The following ATF6B variants were observed in gnomAD, a reference collection of about 807,000 sequenced individuals.
ATF6B encodes cyclic AMP-dependent transcription factor ATF-6 beta.
Under a neutral mutation model 83.5 loss-of-function variants are expected in ATF6B, and 50 were observed. The observed-to-expected ratio is 0.60, with a 90% confidence interval of 0.48 to 0.76. The LOEUF (loss-of-function observed/expected upper bound fraction) is 0.76, where lower values mean the gene tolerates loss of function less well. ATF6B is among the 30% of genes least tolerant of loss of function. ATF6B has a pLI of 0.00. For missense variants in ATF6B, 790 were observed against 893.8 expected (o/e 0.88, Z 1.48); for synonymous variants, 344 against 362.8 (o/e 0.95, Z 0.59).
Position 32,118,758 on chromosome 6 carries a change from A to T in ATF6B, c.1244+17T>A. The T allele has an allele frequency of 6.2e-7, 1 of 1,612,900 alleles. No homozygotes were observed. The highest frequency in any genetic ancestry group is 1.6e-4 in the Middle Eastern group (1 of 6,062). The stretch of plus-strand genomic sequence containing the variant: ...GGCTCCACCTGGAAGGTTCTAGTGA[A>T]GCAAGGAAGGTCTCACCTGACAGGT... On this transcript the variant is annotated intron_variant, in intron 11 of 17. Coordinates refer to ENST00000375203, the MANE Select transcript of ATF6B (RefSeq NM_004381.5). The surrounding 1 kb of genome is among the most constrained non-coding windows in gnomAD (Gnocchi z 5.2).
chr6:32,115,764 T>G lies in ATF6B; in HGVS notation c.2087A>C (p.Gln696Pro), dbSNP rs773375518. 6 of 1,608,052 alleles carry G rather than the reference T, an allele frequency of 3.7e-6. No individual in the cohort carries two copies. The South Asian group carries it at 5.6e-5, about 15-fold the overall frequency. ...AASQAHQASH[Q>P]PLYLNHP ...TCAGGGATGATTGAGGTAGAGGGGC[T>G]GGTGGGAGGCCTGGTGGGCCTGGCT... The change falls in exon 18 of 18, where the codon CAG becomes CCG. Residue 696 changes from glutamine to proline, a missense_variant. Around this residue, in one of 3 missense-constraint regions of ATF6B, gnomAD observed 530 missense variants for 632.6 expected, o/e 0.84. Transcript: ENST00000375203.
At chr6:32,128,023 G>A (rs1582541508) in intron 1 of ATF6B, 94 bp downstream of exon 1, 4 of 1,460,268 alleles carry the variant, frequency 2.7e-6, no homozygotes, top group Non-Finnish European at 3.8e-6. Flanking sequence ...GGCGGATTCC[G>A]TATTTGCCCA....
chr6:32,124,199 A>G (rs986839194), intron 5 of ATF6B, among the ~76,000 whole-genome samples: 2 of 151,864 alleles, frequency 1.3e-5, no homozygotes, highest in Admixed American at 6.6e-5. Context: ...GTGAAGCTCC[A>G]TAACAACAAC....
At chr6:32,128,033 A>G in intron 1 of ATF6B, 84 bp downstream of exon 1, 7 of 1,529,338 alleles carry the variant, frequency 4.6e-6, no homozygotes, top group Non-Finnish European at 5.4e-6. Flanking sequence ...GTATTTGCCC[A>G]GACTTCCTCT....
At chr6:32,123,808 G>C (rs1781860528) in intron 5 of ATF6B, among the ~76,000 whole-genome samples, 1 of 152,140 alleles carries the variant, frequency 6.6e-6, no homozygotes, top group Non-Finnish European at 1.5e-5. Flanking sequence ...TGCTCCCTGA[G>C]ATCCAGGGAG....
In ATF6B at chr6:32,116,454, C is replaced by T. The variant is rs1781532341; in HGVS notation, c.1882+26G>A. ...GCTGGATCTCCCTGTTGGAACTGCC[C>T]CCATACCCAGCAGGGAAAGAGTTAC... On this transcript the variant is annotated intron_variant, in intron 17 of 17. Coordinates refer to ENST00000375203, the MANE Select transcript of ATF6B (RefSeq NM_004381.5). The surrounding 1 kb of genome is among the most constrained non-coding windows in gnomAD (Gnocchi z 5.1). 2.5e-6 allele frequency: 4 copies of T among 1,602,372 alleles called. No individual in the cohort carries two copies. Among genetic ancestry groups the T allele is most frequent in the African/African-American group, 1.3e-5 (1 of 74,652 alleles).
At chr6:32,121,992 G>A (rs1340629912) in intron 5 of ATF6B, among the ~76,000 whole-genome samples, 1 of 152,196 alleles carries the variant, frequency 6.6e-6, no homozygotes, top group African/African-American at 2.4e-5. Context: ...GGCCTGAGCA[G>A]GGGAAGTGGC....
chr6:32,115,433 T>A lies in ATF6B; in HGVS notation c.*306A>T. 1 of 161,352 alleles carries A rather than the reference T, an allele frequency of 6.2e-6. No homozygotes were observed. The allele number at this position is 161,352 out of a possible 1,614,324, so 10.0% of individuals were successfully genotyped here. On this transcript the variant is annotated 3_prime_UTR_variant, in exon 18 of 18. Coordinates refer to ENST00000375203, the MANE Select transcript of ATF6B (RefSeq NM_004381.5). ...GACTAAATTCCCACCTCCACTGCCA[T>A]AACACTAGAGAAACAAAATAAAAAA...
Position 32,118,097 on chromosome 6 carries a change from T to C in ATF6B, c.1245-59A>G, listed in dbSNP as rs1400616130. On this transcript the variant is annotated intron_variant, in intron 11 of 17. Coordinates refer to ENST00000375203, the MANE Select transcript of ATF6B (RefSeq NM_004381.5). This position sits in a 1 kb window ranked among gnomAD's most constrained non-coding sequence, Gnocchi z 5.2. The stretch of plus-strand genomic sequence containing the variant: ...ATTTCAGCTGTATCAAGTATCTAGG[T>C]AAGAATAAAGACTCTGCAGATGGAC... 6.2e-6 allele frequency: 10 copies of C among 1,602,386 alleles called. No homozygotes were observed. Among genetic ancestry groups the C allele is most frequent in the Middle Eastern group, 1.7e-4 (1 of 5,818 alleles).
At position 32,115,865 on chromosome 6, in the gene ATF6B, C is replaced by A; in HGVS notation, c.1986G>T (p.Val662=). 2 of 1,614,138 alleles carry A rather than the reference C, an allele frequency of 1.2e-6. No individual in the cohort carries two copies. The highest frequency in any genetic ancestry group is 1.7e-6 in the Non-Finnish European group (2 of 1,180,020). The change falls in exon 18 of 18, where the codon GTG becomes GTT. Residue 662 remains valine, a synonymous_variant. Coordinates refer to ENST00000375203, the MANE Select transcript of ATF6B (RefSeq NM_004381.5). ...ATGGCTGTTTTCGGAGCGAGGGGGG[C>A]ACTGTGGAGGTCTTGATGTGAATCA... The part of the protein sequence containing the change: ...TRVIHIKTST[V]PPSLRKQPSP...
Position 32,126,252 on chromosome 6 carries a change from C to T in ATF6B, c.343G>A (p.Ala115Thr). ...TGGAGCACCTCCCCTACCCCAAGAG[C>T]CTGGGTGAGAGTTGGTGTGGGGCAG... ...SRLSTEPSSE[A>T]LGVGEVLHVK... Residue 115 changes from alanine (A) to threonine (T), a missense_variant and splice_region_variant, in exon 5 of 18, where the codon GCT (alanine) becomes ACT (threonine). By Grantham distance (58) the Ala-to-Thr change is moderately conservative. Coordinates refer to ENST00000375203, the MANE Select transcript of ATF6B (RefSeq NM_004381.5). 6.2e-7 allele frequency: 1 copy of T among 1,613,714 alleles called. No homozygotes were observed. Among genetic ancestry groups the T allele is most frequent in the Non-Finnish European group, 8.5e-7 (1 of 1,179,898 alleles).
rs1207441682 is a variant in ATF6B at position 32,118,961 on chromosome 6, C to G, written c.1147G>C (p.Ala383Pro). ...ALRRRLEALL[A>P]ENSELKLGSG... is the part of the protein sequence containing the mutation. ...CAGGGACAGACTGGTCTTACTTCAG[C>G]CAGCAGGGCCTCCAGCCGCCGCCGG... Residue 383 changes from alanine to proline, a missense_variant, in exon 10 of 18, where the codon GCT (alanine) becomes CCT (proline). Ala to Pro is a conservative substitution (Grantham distance 27). Around this residue, in one of 3 missense-constraint regions of ATF6B, gnomAD observed 530 missense variants for 632.6 expected, o/e 0.84. Coordinates refer to ENST00000375203, the MANE Select transcript of ATF6B (RefSeq NM_004381.5). This position sits in a 1 kb window ranked among gnomAD's most constrained non-coding sequence, Gnocchi z 5.2. 6.2e-7 allele frequency: 1 copy of G among 1,613,804 alleles called. No individual in the cohort carries two copies. The highest frequency in any genetic ancestry group is 1.3e-5 in the African/African-American group (1 of 74,936).
In ATF6B at chr6:32,119,913, C is replaced by A. The variant is rs768437279; in HGVS notation, c.877G>T (p.Glu293Ter). The A allele has an allele frequency of 6.2e-7, 1 of 1,614,152 alleles. No homozygotes were observed. The highest frequency in any genetic ancestry group is 8.5e-7 in the Non-Finnish European group (1 of 1,180,028). Residue 293 changes from glutamate to a stop codon, truncating the protein, a stop_gained, in exon 9 of 18, where the codon GAA (glutamate) becomes TAA (stop). Transcript: ENST00000375203. LOFTEE classifies it high-confidence loss of function. The surrounding 1 kb of genome is among the most constrained non-coding windows in gnomAD (Gnocchi z 4.9). The part of the protein sequence containing the change: ...LIQGAIRVQP[E>*]GPAPSLPRPE... ...CGTGGTAGAGAGGGAGCCGGCCCTTCAGGCTGGACTCGAATAGCACCCTGG... is the reference window on the plus strand; with the variant it reads ...CGTGGTAGAGAGGGAGCCGGCCCTTAAGGCTGGACTCGAATAGCACCCTGG...
intron 5 of ATF6B, among the ~76,000 whole-genome samples, chr6:32,122,845 C>CAA (rs746213748): frequency 2.3e-4 from 12 of 52,638 alleles, no homozygotes; most frequent in Middle Eastern, 9.8e-3. Flanking sequence ...GACTCTGTCT[C>CAA]AAAAAAAAAA....
chr6:32,125,552 G>T lies in ATF6B; in HGVS notation c.478+565C>A, dbSNP rs139738710. Among the ~76,000 whole-genome samples the T allele has an allele frequency of 0.014, 2,189 of 152,252 alleles. 41 individuals are homozygous for T. Among genetic ancestry groups the T allele is most frequent in the Admixed American group, 0.036 (557 of 15,280 alleles). ...GGAGGTAGGCGACTCATGAGGTCAG[G>T]AGTTCAAGACCAGCCTGGCCAACAT... On this transcript the variant is annotated intron_variant, in intron 5 of 17. Transcript: ENST00000375203. This position sits in a 1 kb window ranked among gnomAD's most constrained non-coding sequence, Gnocchi z 4.1.
rs1413481099 is a variant in ATF6B, at chr6:32,118,116, G to A, written c.1245-78C>T. On this transcript the variant is annotated intron_variant, in intron 11 of 17. Coordinates refer to ENST00000375203, the MANE Select transcript of ATF6B (RefSeq NM_004381.5). This position sits in a 1 kb window ranked among gnomAD's most constrained non-coding sequence, Gnocchi z 5.2. ...TCTAGGTAAGAATAAAGACTCTGCAGATGGACTGCTTGAGTTGCAATCTGT... is the reference window on the plus strand; with the variant it reads ...TCTAGGTAAGAATAAAGACTCTGCAAATGGACTGCTTGAGTTGCAATCTGT... 1 of 1,556,688 alleles carries A rather than the reference G, an allele frequency of 6.4e-7. No homozygotes were observed. Among genetic ancestry groups the A allele is most frequent in the African/African-American group, 1.4e-5 (1 of 73,808 alleles).
chr6:32,125,779 T>C lies in ATF6B; in HGVS notation c.478+338A>G, dbSNP rs1781948161. 6.6e-6 allele frequency among the ~76,000 whole-genome samples: 1 copy of C among 152,094 alleles called. No homozygotes were observed. Among genetic ancestry groups the C allele is most frequent in the South Asian group, 2.1e-4 (1 of 4,826 alleles). On this transcript the variant is annotated intron_variant, in intron 5 of 17. Coordinates refer to ENST00000375203, the MANE Select transcript of ATF6B (RefSeq NM_004381.5). The surrounding 1 kb of genome is among the most constrained non-coding windows in gnomAD (Gnocchi z 4.1). ...CTGTCTCAACAACAACAAAAATGTT[T>C]ATAATAAAATGTTGGGTGGAGGGGA...
chr6:32,120,334 G>C (rs1023778989), intron 8 of ATF6B: 2 of 159,934 alleles, frequency 1.3e-5, no homozygotes, highest in African/African-American at 4.8e-5. Flanking sequence ...TCCTGACCTT[G>C]TGATCCGCCT....
Position 32,118,799 on chromosome 6 carries a change from A to C in ATF6B, c.1220T>G (p.Ile407Ser). ...VVCIMVFLLF[I>S]AFNFGPVSIS... ...CCTGACAGGTCCAAAGTTGAAGGCAATGAAGAGAAGGAAGACCATGATGCA... is the reference window on the plus strand; with the variant it reads ...CCTGACAGGTCCAAAGTTGAAGGCACTGAAGAGAAGGAAGACCATGATGCA... Residue 407 changes from isoleucine (I) to serine (S), a missense_variant, in exon 11 of 18, where the codon ATT becomes AGT. Ile to Ser is a moderately radical substitution (Grantham distance 142, BLOSUM62 -2). Around this residue, in one of 3 missense-constraint regions of ATF6B, gnomAD observed 530 missense variants for 632.6 expected, o/e 0.84. Coordinates refer to ENST00000375203, the MANE Select transcript of ATF6B (RefSeq NM_004381.5). The surrounding 1 kb of genome is among the most constrained non-coding windows in gnomAD (Gnocchi z 5.2). 2 of 1,614,280 alleles carry C rather than the reference A, an allele frequency of 1.2e-6. No individual in the cohort carries two copies. The highest frequency in any genetic ancestry group is 3.3e-5 in the Admixed American group (2 of 60,034).
Sources: gnomAD v4.1 joint callset for allele counts (sites outside exome capture counted in the v4.1 genomes callset) on GRCh38, gnomAD v4.1.1 for gene constraint, gnomAD v4.1.1 regional missense constraint, Gnocchi (gnomAD v3.1) non-coding constraint, MANE v1.5 for transcripts, NCBI Gene and HGNC (gene_info 2026-07-23, HGNC 2026-07-21) for gene names.